The following AAK1 variants were observed in gnomAD, a reference collection of about 807,000 sequenced individuals.
AAK1 encodes AP2-associated protein kinase 1.
A neutral mutation model predicts 116.0 loss-of-function variants in AAK1; 37 were observed. The ratio of observed to expected loss-of-function variants is 0.32; its 90% confidence interval spans 0.25 to 0.42. The LOEUF (loss-of-function observed/expected upper bound fraction) is 0.42, where lower values mean the gene tolerates loss of function less well. AAK1 is among the 10% of genes least tolerant of loss of function. The pLI is 1.00. For synonymous variants in AAK1, 458 were observed against 439.9 expected (o/e 1.04, Z -0.51); for missense variants, 919 against 1,170.6 (o/e 0.79, Z 3.14).
intron 2 of AAK1, among the ~76,000 whole-genome samples, chr2:69,636,822 C>T (rs1190496198): frequency 6.6e-6 from 1 of 151,898 alleles, no homozygotes; most frequent in East Asian, 1.9e-4. Flanking sequence ...GCCTTAGCCT[C>T]CCAAGTAGCT....
chr2:69,461,611 TGAGGC>T lies in AAK1; in HGVS notation c.*14253_*14257del. ...CCAGTGACAATTTTTTTTTTTTTTT[TGAGGC>T]GGAGTTTTGCTCTTCTCGCCCAGGC... On this transcript the variant is annotated 3_prime_UTR_variant, in exon 22 of 22. Coordinates refer to ENST00000409085, the MANE Select transcript of AAK1 (RefSeq NM_014911.5). The T allele has an allele frequency of 2.3e-6, 1 of 425,756 alleles. No individual in the cohort carries two copies. Among genetic ancestry groups the T allele is most frequent in the Admixed American group, 2.6e-5 (1 of 38,196 alleles). 26.4% of individuals were successfully genotyped at this position (425,756 alleles called of 1,614,324 possible). A position where few individuals can be genotyped will look rare whatever the true frequency, so the allele number is the denominator to read the frequency against.
Position 69,509,341 on chromosome 2 carries a change from G to A in AAK1, c.1896C>T (p.His632=). 1 of 1,614,010 alleles carries A rather than the reference G, an allele frequency of 6.2e-7. No individual in the cohort carries two copies. The highest frequency in any genetic ancestry group is 8.5e-7 in the Non-Finnish European group (1 of 1,179,894). ...GGGTTACGTCACTGAGAATACGCCT[G>A]TGCCCAGCACGTTGGGTTTTGGGGG... ...PSSPKTQRAG[H]RRILSDVTHS... is the part of the protein sequence containing the mutation. Residue 632 remains histidine (H), a synonymous_variant, in exon 14 of 22, where the codon CAC becomes CAT. Transcript: ENST00000409085.
intron 3 of AAK1, among the ~76,000 whole-genome samples, chr2:69,550,127 T>C (rs1280720728): frequency 6.6e-6 from 1 of 152,198 alleles, no homozygotes; most frequent in Non-Finnish European, 1.5e-5. Flanking sequence ...GTGAGTGTCC[T>C]TATCAAAACA....
chr2:69,637,680 G>A (rs1276471993), intron 2 of AAK1, among the ~76,000 whole-genome samples: 1 of 152,112 alleles, frequency 6.6e-6, no homozygotes, highest in Non-Finnish European at 1.5e-5. Flanking sequence ...TCCTTGAAAG[G>A]GTGCAAGATG....
At chr2:69,490,071 C>T (rs1277605334) in intron 17 of AAK1, among the ~76,000 whole-genome samples, 2 of 152,124 alleles carry the variant, frequency 1.3e-5, no homozygotes, top group African/African-American at 2.4e-5. Flanking sequence ...AACCAAGAGG[C>T]ACTTTTTTAA....
intron 17 of AAK1, among the ~76,000 whole-genome samples, chr2:69,488,737 GA>G (rs1217357066): frequency 1.3e-5 from 2 of 152,108 alleles, no homozygotes; most frequent in Non-Finnish European, 2.9e-5. Context: ...AGAATAAGCA[GA>G]ACTGTTAGAA....
At chr2:69,590,386 A>T (rs1300390645) in intron 2 of AAK1, among the ~76,000 whole-genome samples, 2 of 152,236 alleles carry the variant, frequency 1.3e-5, no homozygotes, top group African/African-American at 2.4e-5. Flanking sequence ...GCCTGAGAAC[A>T]GAGGAGAGCA....
intron 5 of AAK1, among the ~76,000 whole-genome samples, chr2:69,534,292 T>C (rs1322767199): frequency 6.6e-6 from 1 of 152,178 alleles, no homozygotes; most frequent in African/African-American, 2.4e-5. Context: ...CTAGAAAGGA[T>C]AGGCAATTAT....
At chr2:69,609,992 A>C (rs937116042) in intron 2 of AAK1, among the ~76,000 whole-genome samples, 2 of 146,426 alleles carry the variant, frequency 1.4e-5, no homozygotes, top group African/African-American at 5.1e-5. Flanking sequence ...GGAGCTTTGC[A>C]GTGAGCCGAG....
rs576276250 is a variant in AAK1, at chr2:69,468,642, T to C, written c.*7227A>G. 11 of 985,432 alleles carry C rather than the reference T, an allele frequency of 1.1e-5. No homozygotes were observed. The African/African-American group carries it at 1.9e-4, about 17-fold the overall frequency. The allele number at this position is 985,432 out of a possible 1,614,324, so 61.0% of individuals were successfully genotyped here. A position where few individuals can be genotyped will look rare whatever the true frequency, so the allele number is the denominator to read the frequency against. ...CTAGTTTGAACAGAGTCAGTGTTTT[T>C]TGGAAATTTAAACTGAATTCAGTTA... On this transcript the variant is annotated 3_prime_UTR_variant, in exon 22 of 22. Coordinates refer to ENST00000409085, the MANE Select transcript of AAK1 (RefSeq NM_014911.5).
chr2:69,631,187 AAT>A (rs1675157440), intron 2 of AAK1, among the ~76,000 whole-genome samples: 1 of 152,214 alleles, frequency 6.6e-6, no homozygotes, highest in Admixed American at 6.5e-5. Context: ...CCCCATAGGT[AAT>A]AAAGTCATCA....
At chr2:69,543,450 C>G (rs1040954180) in intron 4 of AAK1, among the ~76,000 whole-genome samples, 1 of 152,108 alleles carries the variant, frequency 6.6e-6, no homozygotes, top group South Asian at 2.1e-4. Context: ...ACTCTGTTGC[C>G]AGGCTAGAGT....
At chr2:69,583,189 T>C (rs1447018479) in intron 2 of AAK1, among the ~76,000 whole-genome samples, 1 of 152,246 alleles carries the variant, frequency 6.6e-6, no homozygotes, top group Non-Finnish European at 1.5e-5. Context: ...TCTCTCACCT[T>C]TGGAGCTGGA....
chr2:69,501,970 C>T (rs1472606867), intron 16 of AAK1, among the ~76,000 whole-genome samples: 3 of 151,924 alleles, frequency 2.0e-5, no homozygotes, highest in Non-Finnish European at 4.4e-5. Context: ...GACACCATCT[C>T]ACACAAACAA....
intron 2 of AAK1, among the ~76,000 whole-genome samples, chr2:69,565,077 G>A (rs560095264): frequency 9.2e-5 from 14 of 152,328 alleles, no homozygotes; most frequent in African/African-American, 3.4e-4. Flanking sequence ...GAGTGACACA[G>A]TCCAGCTTTA....
chr2:69,599,870 C>T (rs1435071675), intron 2 of AAK1, among the ~76,000 whole-genome samples: 5 of 152,090 alleles, frequency 3.3e-5, no homozygotes, highest in South Asian at 2.1e-4. Flanking sequence ...CTTGACCTCC[C>T]GGGTGCAATC....
In AAK1 at chr2:69,461,503, A is replaced by G; in HGVS notation, c.*14366T>C. The G allele has an allele frequency of 4.5e-6, 1 of 221,642 alleles. No homozygotes were observed. Among genetic ancestry groups the G allele is most frequent in the South Asian group, 4.3e-5 (1 of 23,472 alleles). The allele number at this position is 221,642 out of a possible 1,614,324, so 13.7% of individuals were successfully genotyped here. ...CAAAGTTTTTTCATGCATCACCAAAAAAAAAAAAAAAAGTAATTTGCATGT... is the reference window on the plus strand; with the variant it reads ...CAAAGTTTTTTCATGCATCACCAAAGAAAAAAAAAAAAGTAATTTGCATGT... On this transcript the variant is annotated 3_prime_UTR_variant, in exon 22 of 22. Transcript: ENST00000409085.
chr2:69,466,671 C>G lies in AAK1; in HGVS notation c.*9198G>C. 1 of 1,082,140 alleles carries G rather than the reference C, an allele frequency of 9.2e-7. No individual in the cohort carries two copies. The highest frequency in any genetic ancestry group is 1.1e-6 in the Non-Finnish European group (1 of 885,988). 67.0% of individuals were successfully genotyped at this position (1,082,140 alleles called of 1,614,324 possible). A position where few individuals can be genotyped will look rare whatever the true frequency, so the allele number is the denominator to read the frequency against. On this transcript the variant is annotated 3_prime_UTR_variant, in exon 22 of 22. Coordinates refer to ENST00000409085, the MANE Select transcript of AAK1 (RefSeq NM_014911.5). ...CAAATAATAGATGTTGAAAATGCAA[C>G]AGGAAAAACATAAAAATAAAAGTCA...
chr2:69,641,942 T>C (rs1675745298), intron 2 of AAK1, among the ~76,000 whole-genome samples: 1 of 152,176 alleles, frequency 6.6e-6, no homozygotes, highest in Non-Finnish European at 1.5e-5. Flanking sequence ...AGGAAATTGC[T>C]GCTTTTATTA....
Sources: allele counts gnomAD v4.1 joint callset (sites outside exome capture counted in the v4.1 genomes callset), GRCh38; gene constraint gnomAD v4.1.1; transcripts MANE v1.5; gene names NCBI Gene and HGNC (gene_info 2026-07-23, HGNC 2026-07-21).